Variants in PTPN11 observed in about 807,000 individuals in gnomAD.
The protein encoded by PTPN11 is tyrosine-protein phosphatase non-receptor type 11.
In PTPN11, 6 loss-of-function variants were observed where a neutral mutation model predicts 78.8. The ratio of observed to expected loss-of-function variants is 0.08; its 90% CI spans 0.04 to 0.15. The LOEUF (loss-of-function observed/expected upper bound fraction) is 0.15, where lower values mean the gene tolerates loss of function less well. Among genes scored for constraint, PTPN11 ranks in the 10% least tolerant of loss-of-function variants. The pLI is 1.00. For synonymous variants in PTPN11, 221 were observed against 263.5 expected, an observed-to-expected ratio of 0.84 and a Z score of 1.56; for missense variants, 386 against 744.8, an observed-to-expected ratio of 0.52 and a Z score of 5.61.
At chr12:112,478,826 C>T (rs1228172827) in intron 9 of PTPN11, among the ~76,000 whole-genome samples, 4 of 152,052 alleles carry the variant, frequency 2.6e-5, no homozygotes, top group South Asian at 2.1e-4. Flanking sequence ...CTCTGCCTCC[C>T]GGTTCAAATG....
At chr12:112,430,019 A>G (rs2891396) in intron 1 of PTPN11, among the ~76,000 whole-genome samples, 2 of 151,608 alleles carry the variant, frequency 1.3e-5, no homozygotes, top group South Asian at 2.1e-4. Context: ...AACATATCAC[A>G]TTTTTCTTTT....
chr12:112,420,433 C>T (rs1250104434), intron 1 of PTPN11, among the ~76,000 whole-genome samples: 6 of 151,972 alleles, frequency 3.9e-5, no homozygotes, highest in Non-Finnish European at 8.8e-5. Context: ...ACAATCTCCG[C>T]CTCCTAGGTT....
intron 1 of PTPN11, among the ~76,000 whole-genome samples, chr12:112,440,297 G>A (rs1220327373): frequency 2.6e-5 from 4 of 151,942 alleles, no homozygotes; most frequent in South Asian, 2.1e-4. Flanking sequence ...TTTTTGAGAC[G>A]GAATCTTGCT....
chr12:112,481,962 A>G, intron 9 of PTPN11, 112 bp from the exon 10 acceptor site: 1 of 1,201,096 alleles, frequency 8.3e-7, no homozygotes, highest in Admixed American at 1.9e-5. Context: ...GAAACAGGCC[A>G]TTTTCCATGT....
At chr12:112,438,815 G>A (rs1027742899) in intron 1 of PTPN11, among the ~76,000 whole-genome samples, 1 of 151,924 alleles carries the variant, frequency 6.6e-6, no homozygotes, top group South Asian at 2.1e-4. Context: ...TGTAGAGATG[G>A]GATCTTGCTA....
intron 9 of PTPN11, among the ~76,000 whole-genome samples, chr12:112,481,043 G>A (rs1469109703): frequency 7.9e-5 from 12 of 152,172 alleles, no homozygotes; most frequent in African/African-American, 2.7e-4. Flanking sequence ...TTGCAGACTT[G>A]GCATTCCCAG....
intron 6 of PTPN11, among the ~76,000 whole-genome samples, chr12:112,464,744 G>C (rs750306976): frequency 1.1e-4 from 17 of 151,954 alleles, no homozygotes; most frequent in Non-Finnish European, 1.6e-4. Flanking sequence ...TTTTTTTAAA[G>C]AGATGGGGTC....
intron 13 of PTPN11, among the ~76,000 whole-genome samples, chr12:112,501,869 A>T (rs994641900): frequency 6.6e-6 from 1 of 152,208 alleles, no homozygotes; most frequent in African/African-American, 2.4e-5. Flanking sequence ...CTCTTGTAGA[A>T]ACAGGGACAT....
intron 1 of PTPN11, 144 bp downstream of exon 1, chr12:112,419,269 T>TA: frequency 1.2e-6 from 1 of 811,004 alleles, no homozygotes; most frequent in Non-Finnish European, 1.7e-6. Context: ...CCTCGTCCCC[T>TA]CGCCCTCCAG....
chr12:112,450,549 C>G (rs1268941057), intron 3 of PTPN11, 37 bp downstream of exon 3: 1 of 1,581,860 alleles, frequency 6.3e-7, no homozygotes, highest in Non-Finnish European at 8.7e-7. Flanking sequence ...GTCTGCTGCT[C>G]CCTTGTGCCC....
At chr12:112,443,596 C>T (rs539757079) in intron 1 of PTPN11, among the ~76,000 whole-genome samples, 26 of 151,846 alleles carry the variant, frequency 1.7e-4, no homozygotes, top group African/African-American at 5.1e-4. Context: ...CCTCATGATC[C>T]GCCCGCCTTG....
At chr12:112,442,857 T>TATATATATAAATTATATATACAC (rs2037923798) in intron 1 of PTPN11, among the ~76,000 whole-genome samples, 2 of 76,142 alleles carry the variant, frequency 2.6e-5, no homozygotes, top group African/African-American at 1.3e-4. Context: ...TATATATATA[T>TATATATATAAATTATATATACAC]ATATATATAT....
At chr12:112,459,862 G>A (rs185001707) in intron 6 of PTPN11, among the ~76,000 whole-genome samples, 16 of 151,546 alleles carry the variant, frequency 1.1e-4, no homozygotes, top group African/African-American at 3.2e-4. Flanking sequence ...ACTATTAACA[G>A]TATTTCCTTA....
intron 1 of PTPN11, among the ~76,000 whole-genome samples, chr12:112,428,396 CTTTTTTTTTTTT>C (rs11312766): frequency 1.2e-5 from 1 of 84,466 alleles, no homozygotes; most frequent in African/African-American, 4.3e-5. Context: ...TGTGTGTTGT[CTTTTTTTTTTTT>C]TTTTTTTTTG....
In PTPN11 at chr12:112,496,922, A is replaced by G. The variant is rs2038821121; in HGVS notation, c.1600-5222A>G. On this transcript the variant is annotated intron_variant, in intron 13 of 15. Transcript: ENST00000351677. ...TGTAATGGGTCAGGCCTATAATCCT[A>G]GCACTTTGGGAGGCTGAGGTGGGCA... is the stretch of plus-strand genomic sequence containing the variant. Among the ~76,000 whole-genome samples the G allele has an allele frequency of 2.6e-5, 4 of 152,308 alleles. No homozygotes were observed. The South Asian group carries it at 8.3e-4, about 32-fold the overall frequency.
intron 11 of PTPN11, among the ~76,000 whole-genome samples, chr12:112,488,027 T>A (rs1465465840): frequency 6.6e-6 from 1 of 152,056 alleles, no homozygotes; most frequent in Non-Finnish European, 1.5e-5. Flanking sequence ...CAAGTGATCC[T>A]CCTGCCTCGG....
chr12:112,470,343 G>C (rs776924012), intron 6 of PTPN11, among the ~76,000 whole-genome samples: 3 of 152,164 alleles, frequency 2.0e-5, no homozygotes, highest in Non-Finnish European at 4.4e-5. Flanking sequence ...TGTATGTCAC[G>C]CACTGTATAG....
At chr12:112,494,248 C>T (rs1289903507) in intron 13 of PTPN11, among the ~76,000 whole-genome samples, 3 of 152,184 alleles carry the variant, frequency 2.0e-5, no homozygotes, top group Non-Finnish European at 4.4e-5. Context: ...TGTTGTTCCA[C>T]TTGTTTATTT....
intron 6 of PTPN11, among the ~76,000 whole-genome samples, chr12:112,462,561 C>A (rs904489090): frequency 6.6e-6 from 1 of 152,080 alleles, no homozygotes; most frequent in Non-Finnish European, 1.5e-5. Context: ...AGAAGTCTAC[C>A]TTCTATCCTT....
Sources: gnomAD v4.1 joint callset for allele counts (sites outside exome capture counted in the v4.1 genomes callset) on GRCh38, gnomAD v4.1.1 for gene constraint, MANE v1.5 for transcripts, NCBI Gene and HGNC (gene_info 2026-07-23, HGNC 2026-07-21) for gene names.